The following SLX4IP variants were observed in gnomAD, a reference collection of about 807,000 sequenced individuals.
SLX4IP encodes the protein protein SLX4IP.
SLX4IP carries 34 observed loss-of-function variants against 32.9 expected under a neutral mutation model. That is an observed-to-expected ratio of 1.03 (90% CI 0.79 to 1.38). SLX4IP has a LOEUF of 1.38. SLX4IP is among the 40% of genes most tolerant of loss of function. The pLI is 0.00. For synonymous variants in SLX4IP, 172 were observed against 171.7 expected (o/e 1.00, Z -0.01); for missense variants, 444 against 479.0 (o/e 0.93, Z 0.68).
chr20:10,613,715 G>T, intron 6 of SLX4IP: 1 of 1,612,698 alleles, frequency 6.2e-7, no homozygotes. Flanking sequence ...CCTCTCCGGC[G>T]TCAATAGCTT....
chr20:10,453,676 G>C (rs2065261781), intron 1 of SLX4IP, among the ~76,000 whole-genome samples: 1 of 151,860 alleles, frequency 6.6e-6, no homozygotes, highest in African/African-American at 2.4e-5. Flanking sequence ...GGGCGGTTTG[G>C]AACCAATTCT....
intron 4 of SLX4IP, among the ~76,000 whole-genome samples, chr20:10,591,400 A>T (rs2066708638): frequency 1.3e-5 from 2 of 152,196 alleles, no homozygotes; most frequent in Admixed American, 6.5e-5. Flanking sequence ...ATGATCTAGA[A>T]TCTCAGAGTT....
At chr20:10,437,518 A>C (rs1454102036) in intron 1 of SLX4IP, among the ~76,000 whole-genome samples, 1 of 152,258 alleles carries the variant, frequency 6.6e-6, no homozygotes, top group Non-Finnish European at 1.5e-5. Flanking sequence ...TACTTAAAAT[A>C]ATCGGGATTT....
intron 2 of SLX4IP, among the ~76,000 whole-genome samples, chr20:10,553,444 T>C (rs2066237545): frequency 6.6e-6 from 1 of 152,214 alleles, no homozygotes. Context: ...AAAATATTAT[T>C]CTGAGCAACT....
At chr20:10,613,767 A>G in intron 6 of SLX4IP, 3 of 1,613,768 alleles carry the variant, frequency 1.9e-6, no homozygotes, top group Non-Finnish European at 2.5e-6. Context: ...TGTGTACTGC[A>G]CGCAAAGCAC....
chr20:10,522,134 C>T (rs1203232443), intron 2 of SLX4IP, among the ~76,000 whole-genome samples: 1 of 152,184 alleles, frequency 6.6e-6, no homozygotes, highest in Non-Finnish European at 1.5e-5. Context: ...GACATGCAAG[C>T]ATTAGAGATA....
chr20:10,451,245 GCGCCTGC>G (rs2065239293), intron 1 of SLX4IP, among the ~76,000 whole-genome samples: 1 of 151,356 alleles, frequency 6.6e-6, no homozygotes, highest in Non-Finnish European at 1.5e-5. Flanking sequence ...ACTGCAATTT[GCGCCTGC>G]CAGGTTCAGG....
At chr20:10,523,118 C>A (rs976433042) in intron 2 of SLX4IP, among the ~76,000 whole-genome samples, 23 of 152,102 alleles carry the variant, frequency 1.5e-4, no homozygotes, top group African/African-American at 5.3e-4. Flanking sequence ...TGTAGCAGAC[C>A]TCTTGGCATG....
chr20:10,456,291 A>G (rs1412621519), intron 1 of SLX4IP, among the ~76,000 whole-genome samples: 1 of 152,134 alleles, frequency 6.6e-6, no homozygotes, highest in Non-Finnish European at 1.5e-5. Context: ...AGCCTGTACC[A>G]TACTGTTTTG....
At chr20:10,540,357 G>A (rs1600980228) in intron 2 of SLX4IP, among the ~76,000 whole-genome samples, 1 of 151,938 alleles carries the variant, frequency 6.6e-6, no homozygotes, top group Non-Finnish European at 1.5e-5. Flanking sequence ...TGAAGACATC[G>A]AATCCTGAGA....
At chr20:10,558,250 G>C (rs999006669) in intron 3 of SLX4IP, among the ~76,000 whole-genome samples, 1 of 151,598 alleles carries the variant, frequency 6.6e-6, no homozygotes, top group African/African-American at 2.4e-5. Flanking sequence ...TGAGGTGGGG[G>C]GATCACTTGA....
Position 10,521,096 on chromosome 20 carries a change from T to A in SLX4IP, c.28-35135T>A, listed in dbSNP as rs142236621. ...CAGTATTTACTGCAGAGCCAGGCAG[T>A]GTACTCTGATTACCTTTCGTTTCTC... On this transcript the variant is annotated intron_variant, in intron 2 of 7. Coordinates refer to ENST00000334534, the MANE Select transcript of SLX4IP (RefSeq NM_001009608.3). Among the ~76,000 whole-genome samples the A allele has an allele frequency of 6.0e-3, 909 of 152,380 alleles. 10 individuals are homozygous for A. Among genetic ancestry groups the A allele is most frequent in the African/African-American group, 0.02 (849 of 41,592 alleles).
intron 1 of SLX4IP, among the ~76,000 whole-genome samples, chr20:10,455,807 C>T (rs560836296): frequency 2.0e-5 from 3 of 152,066 alleles, no homozygotes; most frequent in East Asian, 1.9e-4. Context: ...GACAGGGTTT[C>T]GCCATGTTGG....
intron 4 of SLX4IP, among the ~76,000 whole-genome samples, chr20:10,576,869 T>C (rs893475918): frequency 6.6e-6 from 1 of 152,204 alleles, no homozygotes; most frequent in African/African-American, 2.4e-5. Context: ...TTTTACTTAA[T>C]TGCAACCAGA....
chr20:10,570,854 G>A (rs1376050858), intron 4 of SLX4IP, among the ~76,000 whole-genome samples: 2 of 152,094 alleles, frequency 1.3e-5, no homozygotes, highest in Admixed American at 1.3e-4. Flanking sequence ...TTTTGAGACA[G>A]GGTCTTGCTC....
At chr20:10,591,833 T>C (rs1023239454) in intron 4 of SLX4IP, among the ~76,000 whole-genome samples, 1 of 152,188 alleles carries the variant, frequency 6.6e-6, no homozygotes, top group East Asian at 1.9e-4. Context: ...TCTGAAGTGA[T>C]CATTTCTCAA....
intron 5 of SLX4IP, among the ~76,000 whole-genome samples, chr20:10,599,690 C>A (rs1299220123): frequency 2.6e-5 from 4 of 152,084 alleles, no homozygotes; most frequent in African/African-American, 9.7e-5. Flanking sequence ...AGCCAGCATG[C>A]CCAGCCTTAG....
intron 5 of SLX4IP, among the ~76,000 whole-genome samples, chr20:10,599,968 G>A (rs1261398582): frequency 6.6e-6 from 1 of 151,942 alleles, no homozygotes; most frequent in Admixed American, 6.6e-5. Flanking sequence ...CAAATACCGA[G>A]GAATTATTTG....
intron 6 of SLX4IP, among the ~76,000 whole-genome samples, chr20:10,605,015 T>C (rs992980491): frequency 6.6e-5 from 10 of 152,238 alleles, no homozygotes; most frequent in African/African-American, 2.2e-4. Flanking sequence ...CTCAGCTACA[T>C]TCCATTCCAA....
Sources: allele counts gnomAD v4.1 joint callset (sites outside exome capture counted in the v4.1 genomes callset), GRCh38; gene constraint gnomAD v4.1.1; transcripts MANE v1.5; gene names NCBI Gene and HGNC (gene_info 2026-07-23, HGNC 2026-07-21).